The following FBLN5 variants were observed in gnomAD, a reference collection of about 807,000 sequenced individuals.
FBLN5 encodes fibulin-5.
FBLN5 carries 24 observed loss-of-function variants against 61.6 expected under a neutral mutation model. The observed-to-expected ratio is 0.39, with a 90% CI of 0.28 to 0.55. The LOEUF (loss-of-function observed/expected upper bound fraction) is 0.55. FBLN5 is among the 20% of genes least tolerant of loss of function. The pLI is 0.65. For synonymous variants in FBLN5, 213 were observed against 219.8 expected (o/e 0.97, Z 0.27); for missense variants, 470 against 594.1 (o/e 0.79, Z 2.17).
rs1225182202 is a variant in FBLN5 at position 91,943,357 on chromosome 14, A to G, written c.18-396T>C. ...AACCCCATTTCTACAAAATTAAAAA[A>G]AAAATTAACTGGGCATGATAGCACG... is the stretch of plus-strand genomic sequence containing the variant. On this transcript the variant is annotated intron_variant, in intron 1 of 10. Coordinates refer to ENST00000342058, the MANE Select transcript of FBLN5 (RefSeq NM_006329.4). This position sits in a 1 kb window ranked among gnomAD's most constrained non-coding sequence, Gnocchi z 4.0. 6.6e-6 allele frequency among the ~76,000 whole-genome samples: 1 copy of G among 152,186 alleles called. No homozygotes were observed. The highest frequency in any genetic ancestry group is 1.9e-4 in the East Asian group (1 of 5,182).
At chr14:91,898,265 C>T (rs1051187317) in intron 4 of FBLN5, among the ~76,000 whole-genome samples, 8 of 152,054 alleles carry the variant, frequency 5.3e-5, no homozygotes, top group African/African-American at 1.7e-4. Context: ...TGGTGTAATG[C>T]TGTGTCCCTG....
At chr14:91,877,112 G>A (rs553653094) in intron 10 of FBLN5, among the ~76,000 whole-genome samples, 1 of 152,216 alleles carries the variant, frequency 6.6e-6, no homozygotes. Flanking sequence ...CAAAGTGCTG[G>A]GATTACAGGC....
chr14:91,896,790 C>T (rs942626821), intron 4 of FBLN5, among the ~76,000 whole-genome samples: 4 of 152,220 alleles, frequency 2.6e-5, no homozygotes, highest in African/African-American at 9.6e-5. Context: ...CACTCCCACG[C>T]TGTCTGCCTC....
intron 10 of FBLN5, among the ~76,000 whole-genome samples, chr14:91,871,151 AGTGG>A (rs1888907028): frequency 6.6e-6 from 1 of 151,576 alleles, no homozygotes; most frequent in Admixed American, 6.6e-5. Context: ...TACTCTTGAA[AGTGG>A]AATAAAAGTT....
chr14:91,925,750 G>A (rs1348385503), intron 4 of FBLN5, among the ~76,000 whole-genome samples: 2 of 152,174 alleles, frequency 1.3e-5, no homozygotes, highest in Admixed American at 6.5e-5. Context: ...TTTTCCATTA[G>A]CCCGTCAGTG....
intron 4 of FBLN5, among the ~76,000 whole-genome samples, chr14:91,924,689 A>G (rs540320679): frequency 1.3e-5 from 2 of 152,220 alleles, no homozygotes; most frequent in Non-Finnish European, 2.9e-5. Flanking sequence ...AATGGCGAAT[A>G]AGACAGAAAG....
intron 3 of FBLN5, among the ~76,000 whole-genome samples, chr14:91,938,824 A>T (rs117084454): frequency 6.7e-3 from 1,020 of 152,286 alleles, no homozygotes; most frequent in Non-Finnish European, 0.011. Flanking sequence ...ACTCACACCC[A>T]ATCCTACCAG....
At position 91,895,377 on chromosome 14, in the gene FBLN5, C is replaced by A. The variant is rs960084932; in HGVS notation, c.380-305G>T. ...TGAAGGTGCATTACCTTGACAATAA[C>A]CATTACTTGATTTAGAAAGCCATTT... is the stretch of plus-strand genomic sequence containing the variant. On this transcript the variant is annotated intron_variant, in intron 4 of 10. Transcript: ENST00000342058. Among the ~76,000 whole-genome samples, 7 of 152,204 alleles carry A rather than the reference C, an allele frequency of 4.6e-5. 1 individual carries two copies. Among genetic ancestry groups the A allele is most frequent in the Admixed American group, 1.3e-4 (2 of 15,288 alleles).
At chr14:91,914,906 T>C (rs1891123973) in intron 4 of FBLN5, among the ~76,000 whole-genome samples, 1 of 151,880 alleles carries the variant, frequency 6.6e-6, no homozygotes, top group African/African-American at 2.4e-5. Context: ...ACACCTGTAA[T>C]CCCAGCACTT....
chr14:91,916,181 C>G (rs1011879040), intron 4 of FBLN5, among the ~76,000 whole-genome samples: 3 of 152,168 alleles, frequency 2.0e-5, no homozygotes, highest in African/African-American at 7.2e-5. Context: ...CACGGTGGCT[C>G]ACGCCTGTAA....
intron 9 of FBLN5, among the ~76,000 whole-genome samples, chr14:91,878,986 A>G (rs1178182768): frequency 6.6e-6 from 1 of 152,240 alleles, no homozygotes; most frequent in East Asian, 1.9e-4. Context: ...AGGCTGAGGC[A>G]GGACGATTGT....
chr14:91,938,617 G>A (rs748080235), intron 3 of FBLN5, among the ~76,000 whole-genome samples: 4 of 152,226 alleles, frequency 2.6e-5, no homozygotes, highest in Non-Finnish European at 4.4e-5. Context: ...TCTGGAAGGG[G>A]AGAGGTGGAC....
intron 7 of FBLN5, among the ~76,000 whole-genome samples, chr14:91,885,440 G>A (rs1295225868): frequency 6.6e-6 from 1 of 152,134 alleles, no homozygotes; most frequent in Non-Finnish European, 1.5e-5. Context: ...AGAGTGTTGT[G>A]GGGTAGGCAG....
At chr14:91,911,835 C>T (rs962836806) in intron 4 of FBLN5, among the ~76,000 whole-genome samples, 2 of 150,864 alleles carry the variant, frequency 1.3e-5, no homozygotes, top group Admixed American at 6.6e-5. Flanking sequence ...GAGATGCCCA[C>T]GCTGTGCCTC....
intron 3 of FBLN5, 113 bp from the exon 4 acceptor site, chr14:91,937,314 G>A (rs754606474): frequency 2.8e-5 from 41 of 1,442,882 alleles, no homozygotes; most frequent in Non-Finnish European, 3.7e-5. Flanking sequence ...AAACACCTAG[G>A]GTGGTCCCAA....
At chr14:91,891,726 C>T (rs1007253026) in intron 5 of FBLN5, among the ~76,000 whole-genome samples, 1 of 152,198 alleles carries the variant, frequency 6.6e-6, no homozygotes, top group Non-Finnish European at 1.5e-5. Flanking sequence ...TGAGATTACC[C>T]AGCTCTTAAG....
In FBLN5 at chr14:91,869,676, T is replaced by A. The variant is rs973714802; in HGVS notation, c.*548A>T. ...AGGACAACTGAAACTTCTTTTATGGTTGAAAATACCAGGCATGGTTTTGAA... is the reference window on the plus strand; with the variant it reads ...AGGACAACTGAAACTTCTTTTATGGATGAAAATACCAGGCATGGTTTTGAA... On this transcript the variant is annotated 3_prime_UTR_variant, in exon 11 of 11. Coordinates refer to ENST00000342058, the MANE Select transcript of FBLN5 (RefSeq NM_006329.4). The A allele has an allele frequency of 6.2e-6, 1 of 160,394 alleles. No individual in the cohort carries two copies. Among genetic ancestry groups the A allele is most frequent in the African/African-American group, 2.4e-5 (1 of 41,570 alleles). The allele number at this position is 160,394 out of a possible 1,614,324, so 9.9% of individuals were successfully genotyped here. A position where few individuals can be genotyped will look rare whatever the true frequency, so the allele number is the denominator to read the frequency against.
chr14:91,926,656 G>A (rs1178714962), intron 4 of FBLN5, among the ~76,000 whole-genome samples: 1 of 152,116 alleles, frequency 6.6e-6, no homozygotes, highest in Non-Finnish European at 1.5e-5. Flanking sequence ...CCCCACTTGA[G>A]ATAAGCAGCC....
intron 6 of FBLN5, among the ~76,000 whole-genome samples, chr14:91,888,526 T>C (rs1473858533): frequency 4.6e-5 from 7 of 151,310 alleles, no homozygotes; most frequent in Non-Finnish European, 1.0e-4. Flanking sequence ...AGGGAATCGC[T>C]TGAACCCCAG....
Sources: allele counts gnomAD v4.1 joint callset (sites outside exome capture counted in the v4.1 genomes callset), GRCh38; gene constraint gnomAD v4.1.1; non-coding constraint Gnocchi (gnomAD v3.1); transcripts MANE v1.5; gene names NCBI Gene and HGNC (gene_info 2026-07-23, HGNC 2026-07-21).